The following GALNTL6 variants were observed in gnomAD, a reference collection of about 807,000 sequenced individuals.
The protein encoded by GALNTL6 is polypeptide N-acetylgalactosaminyltransferase-like 6.
GALNTL6 carries 46 observed loss-of-function variants against 73.7 expected under a neutral mutation model. The ratio of observed to expected loss-of-function variants is 0.62; its 90% confidence interval spans 0.49 to 0.80. The LOEUF (loss-of-function observed/expected upper bound fraction) is 0.80. Ranked by LOEUF, GALNTL6 falls within the 30% of genes least tolerant of loss-of-function variation. The pLI is 0.00. For synonymous variants in GALNTL6, 259 were observed against 263.7 expected (o/e 0.98, Z 0.17); for missense variants, 604 against 755.0 (o/e 0.80, Z 2.34).
At chr4:172,482,399 G>A (rs1164259802) in intron 5 of GALNTL6, among the ~76,000 whole-genome samples, 1 of 152,264 alleles carries the variant, frequency 6.6e-6, no homozygotes, top group East Asian at 1.9e-4. Context: ...GAGAGCGAGA[G>A]AGGGCCACCA....
intron 2 of GALNTL6, among the ~76,000 whole-genome samples, chr4:171,917,317 G>A (rs1188544664): frequency 6.6e-6 from 1 of 151,980 alleles, no homozygotes; most frequent in African/African-American, 2.4e-5. Context: ...AGCTTGGCAG[G>A]TTGCTCCCTG....
At chr4:172,592,385 C>T (rs960282998) in intron 5 of GALNTL6, among the ~76,000 whole-genome samples, 2 of 152,132 alleles carry the variant, frequency 1.3e-5, no homozygotes, top group Non-Finnish European at 2.9e-5. Context: ...ATGACCCAAA[C>T]ATCTCCCACT....
chr4:172,853,265 G>T (rs1283063591), intron 7 of GALNTL6, among the ~76,000 whole-genome samples: 1 of 152,180 alleles, frequency 6.6e-6, no homozygotes, highest in African/African-American at 2.4e-5. Context: ...CTGGGTGTTA[G>T]CTGGTGAGCA....
intron 3 of GALNTL6, among the ~76,000 whole-genome samples, chr4:172,292,967 T>C (rs1739523871): frequency 6.6e-6 from 1 of 152,152 alleles, no homozygotes; most frequent in Non-Finnish European, 1.5e-5. Context: ...TCTATCGAAA[T>C]GAGGGAGAAA....
chr4:172,387,853 T>C (rs984355515), intron 5 of GALNTL6, among the ~76,000 whole-genome samples: 1 of 152,180 alleles, frequency 6.6e-6, no homozygotes, highest in Non-Finnish European at 1.5e-5. Flanking sequence ...TCTGTTTTTT[T>C]GCTCATGCTG....
chr4:172,343,926 TACTC>T (rs1316030044), intron 4 of GALNTL6, among the ~76,000 whole-genome samples: 2 of 152,196 alleles, frequency 1.3e-5, no homozygotes, highest in Non-Finnish European at 2.9e-5. Flanking sequence ...TATAAACTGT[TACTC>T]AACAAAGAGA....
intron 4 of GALNTL6, among the ~76,000 whole-genome samples, chr4:172,314,486 C>G (rs1201717965): frequency 6.6e-6 from 1 of 151,082 alleles, no homozygotes; most frequent in African/African-American, 2.4e-5. Context: ...CTTTCATATT[C>G]TCACATTTAG....
intron 2 of GALNTL6, among the ~76,000 whole-genome samples, chr4:172,181,557 T>G (rs1735242856): frequency 6.6e-6 from 1 of 152,070 alleles, no homozygotes; most frequent in Non-Finnish European, 1.5e-5. Context: ...ATGCCCTCTC[T>G]CACCACACCT....
At chr4:172,244,479 C>T (rs1214252029) in intron 3 of GALNTL6, among the ~76,000 whole-genome samples, 1 of 152,110 alleles carries the variant, frequency 6.6e-6, no homozygotes, top group Non-Finnish European at 1.5e-5. Flanking sequence ...CATAATATCT[C>T]TCTTTAGAAA....
At chr4:172,706,973 T>C (rs968867132) in intron 5 of GALNTL6, among the ~76,000 whole-genome samples, 1 of 152,196 alleles carries the variant, frequency 6.6e-6, no homozygotes, top group African/African-American at 2.4e-5. Flanking sequence ...CAGTACTTCC[T>C]ATGGGTTGGG....
At chr4:172,640,161 A>G (rs1739905121) in intron 5 of GALNTL6, among the ~76,000 whole-genome samples, 1 of 152,102 alleles carries the variant, frequency 6.6e-6, no homozygotes, top group African/African-American at 2.4e-5. Context: ...TCATCAAAAA[A>G]CCATTACATT....
chr4:172,391,928 C>A (rs1743676094), intron 5 of GALNTL6, among the ~76,000 whole-genome samples: 1 of 152,098 alleles, frequency 6.6e-6, no homozygotes, highest in African/African-American at 2.4e-5. Flanking sequence ...TGAAAGGACA[C>A]ACTAATGAGA....
At chr4:172,890,224 T>C (rs1444592009) in intron 8 of GALNTL6, among the ~76,000 whole-genome samples, 20 of 152,154 alleles carry the variant, frequency 1.3e-4, no homozygotes, top group Admixed American at 1.3e-3. Flanking sequence ...TGTTGATCCT[T>C]TGTATTGATT....
chr4:171,855,962 T>C (rs1735679663), intron 2 of GALNTL6, among the ~76,000 whole-genome samples: 1 of 152,226 alleles, frequency 6.6e-6, no homozygotes. Context: ...ATTTTCTTAT[T>C]GTTGAGTTTT....
At chr4:172,710,726 A>G (rs1734651591) in intron 5 of GALNTL6, among the ~76,000 whole-genome samples, 1 of 152,192 alleles carries the variant, frequency 6.6e-6, no homozygotes, top group South Asian at 2.1e-4. Context: ...CCCACTTGAT[A>G]TGTAATTTTT....
At chr4:172,709,779 T>C (rs1281788876) in intron 5 of GALNTL6, among the ~76,000 whole-genome samples, 1 of 152,026 alleles carries the variant, frequency 6.6e-6, no homozygotes, top group Non-Finnish European at 1.5e-5. Flanking sequence ...GTTAAAAAAT[T>C]GAGACAATAG....
At chr4:172,508,770 G>T in intron 5 of GALNTL6, among the ~76,000 whole-genome samples, 1 of 50,358 alleles carries the variant, frequency 2.0e-5, no homozygotes, top group African/African-American at 5.0e-5. Context: ...GTATTCCATG[G>T]TGTATATATA....
At chr4:171,820,455 G>A (rs1010252558) in intron 2 of GALNTL6, among the ~76,000 whole-genome samples, 1 of 152,100 alleles carries the variant, frequency 6.6e-6, no homozygotes, top group South Asian at 2.1e-4. Flanking sequence ...ACATACACAG[G>A]TACATATACC....
intron 2 of GALNTL6, among the ~76,000 whole-genome samples, chr4:171,904,147 T>C (rs1182981338): frequency 6.6e-6 from 1 of 152,222 alleles, no homozygotes; most frequent in Non-Finnish European, 1.5e-5. Context: ...GGACGGAGAA[T>C]GACTTTGACG....
Sources: gnomAD v4.1 joint callset for allele counts (sites outside exome capture counted in the v4.1 genomes callset) on GRCh38, gnomAD v4.1.1 for gene constraint, MANE v1.5 for transcripts, NCBI Gene and HGNC (gene_info 2026-07-23, HGNC 2026-07-21) for gene names.